The following TM2D1 variants were observed in gnomAD, a reference collection of about 807,000 sequenced individuals.
TM2D1 encodes the protein TM2 domain containing 1, also known as TM2 domain-containing protein 1.
A neutral mutation model predicts 28.4 loss-of-function variants in TM2D1; 15 were observed. The ratio of observed to expected loss-of-function variants is 0.53; its 90% CI spans 0.35 to 0.81. The LOEUF is 0.81. Among genes scored for constraint, TM2D1 ranks in the 40% least tolerant of loss-of-function variants. The pLI is 0.01. For missense variants in TM2D1, 236 were observed against 254.9 expected, an observed-to-expected ratio of 0.93 and a Z score of 0.50; for synonymous variants, 93 against 96.2, an observed-to-expected ratio of 0.97 and a Z score of 0.20.
intron 4 of TM2D1, 94 bp from the exon 5 acceptor site, chr1:61,694,864 T>C: frequency 1.7e-6 from 1 of 593,974 alleles, no homozygotes; most frequent in East Asian, 3.1e-5. Context: ...TATATATATA[T>C]ATCACACTCT....
chr1:61,705,386 A>T (rs971030953), intron 3 of TM2D1, among the ~76,000 whole-genome samples: 1 of 152,014 alleles, frequency 6.6e-6, no homozygotes, highest in Non-Finnish European at 1.5e-5. Flanking sequence ...GGGTTTTACC[A>T]TATTGGCCAG....
chr1:61,694,894 G>GT, intron 4 of TM2D1, 124 bp from the exon 5 acceptor site: 1 of 463,772 alleles, frequency 2.2e-6, no homozygotes, highest in Non-Finnish European at 3.7e-6. Flanking sequence ...GAACATAAAA[G>GT]TAACACTTAA....
chr1:61,705,517 A>G (rs1644434300), intron 3 of TM2D1, among the ~76,000 whole-genome samples: 1 of 152,128 alleles, frequency 6.6e-6, no homozygotes, highest in African/African-American at 2.4e-5. Context: ...TATACAGCTA[A>G]CCTACATTTC....
intron 2 of TM2D1, among the ~76,000 whole-genome samples, chr1:61,716,823 CTTG>C (rs1644525992): frequency 2.0e-5 from 3 of 151,912 alleles, no homozygotes; most frequent in Admixed American, 1.3e-4. Context: ...GAAAGAAGAA[CTTG>C]TTAAGTAAGC....
At chr1:61,716,739 T>C (rs996260615) in intron 2 of TM2D1, among the ~76,000 whole-genome samples, 1 of 151,744 alleles carries the variant, frequency 6.6e-6, no homozygotes, top group Non-Finnish European at 1.5e-5. Context: ...AATTAATCAA[T>C]TCAAAAGAAG....
At chr1:61,688,747 A>G (rs915697076) in intron 5 of TM2D1, among the ~76,000 whole-genome samples, 2 of 148,352 alleles carry the variant, frequency 1.3e-5, no homozygotes, top group Non-Finnish European at 3.0e-5. Context: ...CCACCCAAAA[A>G]AAAAAACTCC....
intron 3 of TM2D1, among the ~76,000 whole-genome samples, chr1:61,702,606 G>A (rs1022919176): frequency 6.0e-5 from 9 of 150,684 alleles, no homozygotes; most frequent in African/African-American, 2.2e-4. Context: ...GGCCTCAAGT[G>A]ACCCACCCGC....
At chr1:61,703,567 C>T (rs1644418593) in intron 3 of TM2D1, among the ~76,000 whole-genome samples, 2 of 147,504 alleles carry the variant, frequency 1.4e-5, no homozygotes, top group Admixed American at 6.8e-5. Flanking sequence ...CATGTGCCAC[C>T]ACACCCAGCT....
chr1:61,720,631 TAATAA>T (rs1644556705), intron 2 of TM2D1, among the ~76,000 whole-genome samples: 1 of 152,148 alleles, frequency 6.6e-6, no homozygotes, highest in South Asian at 2.1e-4. Context: ...AATAATTTCT[TAATAA>T]ATAAATATAA....
chr1:61,721,414 C>T (rs939631466), intron 2 of TM2D1, among the ~76,000 whole-genome samples: 9 of 151,376 alleles, frequency 5.9e-5, no homozygotes, highest in Non-Finnish European at 8.8e-5. Flanking sequence ...TGGTGGTGCA[C>T]GCCTATAATC....
At chr1:61,717,114 C>G (rs1644527724) in intron 2 of TM2D1, among the ~76,000 whole-genome samples, 1 of 151,870 alleles carries the variant, frequency 6.6e-6, no homozygotes, top group African/African-American at 2.4e-5. Flanking sequence ...TTTGGGAGGC[C>G]GAGGCCAGCG....
At chr1:61,703,355 A>T (rs951055515) in intron 3 of TM2D1, among the ~76,000 whole-genome samples, 4 of 147,122 alleles carry the variant, frequency 2.7e-5, no homozygotes, top group African/African-American at 9.9e-5. Flanking sequence ...TATATGACAT[A>T]TTACTATATA....
chr1:61,691,932 A>AATATATATATATATATAT (rs1163953838), intron 5 of TM2D1, among the ~76,000 whole-genome samples: 52 of 76,310 alleles, frequency 6.8e-4, no homozygotes, highest in Non-Finnish European at 8.3e-4. Context: ...AAAAAAAAAA[A>AATATATATATATATATAT]ATATATATAT....
chr1:61,684,828 G>A (rs1472095653), intron 5 of TM2D1, among the ~76,000 whole-genome samples: 1 of 152,274 alleles, frequency 6.6e-6, no homozygotes, highest in South Asian at 2.1e-4. Context: ...ATCCAGGCTG[G>A]AGTGCAATGG....
rs1272961821 is a variant in TM2D1 at position 61,723,693 on chromosome 1, CAT to C, written c.238+18_238+19del. On this transcript the variant is annotated intron_variant, in intron 2 of 6. Transcript: ENST00000606498. ...ATGTTTTTAAAATTATTTTTAAAGACATGTTTCTTGAAGTCTTACCATGAGCT... is the reference window on the plus strand; with the variant it reads ...ATGTTTTTAAAATTATTTTTAAAGACGTTTCTTGAAGTCTTACCATGAGCT... 1.3e-5 allele frequency: 18 copies of C among 1,357,162 alleles called. No individual in the cohort carries two copies. The highest frequency in any genetic ancestry group is 1.8e-5 in the Non-Finnish European group (18 of 996,010). The allele number at this position is 1,357,162 out of a possible 1,614,324, so 84.1% of individuals were successfully genotyped here.
intron 5 of TM2D1, among the ~76,000 whole-genome samples, chr1:61,690,758 A>C (rs1644318297): frequency 6.6e-6 from 1 of 152,204 alleles, no homozygotes; most frequent in Non-Finnish European, 1.5e-5. Flanking sequence ...ATGTGTGAAA[A>C]GTCAAATCCA....
At chr1:61,701,310 C>CAAAAAAAAAAAAAAAAAA (rs10587870) in intron 3 of TM2D1, among the ~76,000 whole-genome samples, 2 of 84,040 alleles carry the variant, frequency 2.4e-5, no homozygotes, top group Non-Finnish European at 4.4e-5. Context: ...TAAATGTTAA[C>CAAAAAAAAAAAAAAAAAA]AAAAAAAAAA....
intron 2 of TM2D1, 56 bp from the exon 3 acceptor site, chr1:61,709,493 GTAA>G (rs1352290222): frequency 1.6e-6 from 2 of 1,245,048 alleles, no homozygotes; most frequent in Admixed American, 1.8e-5. Flanking sequence ...GAAACAGTAT[GTAA>G]TTGTTCTAAG....
chr1:61,710,701 A>C (rs1570119435), intron 2 of TM2D1, among the ~76,000 whole-genome samples: 2 of 152,050 alleles, frequency 1.3e-5, no homozygotes. Flanking sequence ...CAAGAATTAC[A>C]TATTTTTTTA....
Sources: allele counts gnomAD v4.1 joint callset (sites outside exome capture counted in the v4.1 genomes callset), GRCh38; gene constraint gnomAD v4.1.1; transcripts MANE v1.5; gene names NCBI Gene and HGNC (gene_info 2026-07-23, HGNC 2026-07-21).